GRIK1: variants seen among roughly 807,000 people sequenced by gnomAD.
GRIK1 encodes glutamate receptor ionotropic, kainate 1.
Under a neutral mutation model 105.7 loss-of-function variants are expected in GRIK1, and 69 were observed. The observed-to-expected ratio is 0.65, with a 90% CI of 0.54 to 0.80. GRIK1 has a LOEUF of 0.80. Among genes scored for constraint, GRIK1 ranks in the 30% least tolerant of loss-of-function variants. The pLI is 0.00. For synonymous variants in GRIK1, 438 were observed against 431.3 expected, an observed-to-expected ratio of 1.02 and a Z score of -0.19; for missense variants, 1,109 against 1,167.3, an observed-to-expected ratio of 0.95 and a Z score of 0.73.
intron 15 of GRIK1, among the ~76,000 whole-genome samples, chr21:29,556,569 C>T (rs1481612267): frequency 6.6e-6 from 1 of 152,148 alleles, no homozygotes; most frequent in African/African-American, 2.4e-5. Flanking sequence ...ATTTCTTCTT[C>T]TGAGGGGGAG....
chr21:29,936,890 C>T (rs911048123), intron 1 of GRIK1, among the ~76,000 whole-genome samples: 7 of 152,174 alleles, frequency 4.6e-5, no homozygotes, highest in Non-Finnish European at 8.8e-5. Context: ...GTACTAAGTG[C>T]CTAGCGATTT....
intron 1 of GRIK1, among the ~76,000 whole-genome samples, chr21:29,897,086 G>C (rs1384156713): frequency 1.3e-5 from 2 of 152,158 alleles, no homozygotes; most frequent in Non-Finnish European, 2.9e-5. Context: ...ATATAGTCCT[G>C]TGTGCATGTG....
At chr21:29,849,338 C>A (rs888263254) in intron 1 of GRIK1, among the ~76,000 whole-genome samples, 10 of 152,120 alleles carry the variant, frequency 6.6e-5, no homozygotes, top group African/African-American at 2.4e-4. Context: ...TAAGTTATTG[C>A]CAGGACATCA....
intron 1 of GRIK1, among the ~76,000 whole-genome samples, chr21:29,803,283 T>G (rs1208742046): frequency 2.0e-5 from 3 of 152,168 alleles, no homozygotes; most frequent in Non-Finnish European, 4.4e-5. Context: ...AGTAAGCAAA[T>G]GCCATAGTTA....
chr21:29,576,057 A>G (rs931784693), intron 14 of GRIK1, among the ~76,000 whole-genome samples: 1 of 152,052 alleles, frequency 6.6e-6, no homozygotes, highest in Non-Finnish European at 1.5e-5. Context: ...CCCAAAAAAA[A>G]CTTTAGCCCC....
intron 1 of GRIK1, among the ~76,000 whole-genome samples, chr21:29,786,209 G>C (rs558085081): frequency 5.3e-5 from 8 of 152,200 alleles, no homozygotes; most frequent in Non-Finnish European, 7.4e-5. Context: ...GGATGGTCTC[G>C]ATCTCTTGAC....
At chr21:29,825,349 A>T (rs1458619014) in intron 1 of GRIK1, among the ~76,000 whole-genome samples, 1 of 152,078 alleles carries the variant, frequency 6.6e-6, no homozygotes, top group East Asian at 1.9e-4. Flanking sequence ...GAAGTTAGTG[A>T]TGATGTAAAG....
intron 7 of GRIK1, among the ~76,000 whole-genome samples, chr21:29,637,781 G>A (rs1036850885): frequency 6.6e-6 from 1 of 152,138 alleles, no homozygotes; most frequent in African/African-American, 2.4e-5. Context: ...CAGCCCAAAC[G>A]AACCAAGAAA....
At chr21:29,872,026 A>T (rs1014811399) in intron 1 of GRIK1, among the ~76,000 whole-genome samples, 1 of 149,570 alleles carries the variant, frequency 6.7e-6, no homozygotes, top group African/African-American at 2.4e-5. Flanking sequence ...AGCCTCCCAA[A>T]GTGCTGGGAT....
chr21:29,543,525 C>A (rs1771332265), intron 16 of GRIK1, among the ~76,000 whole-genome samples: 1 of 152,162 alleles, frequency 6.6e-6, no homozygotes, highest in Non-Finnish European at 1.5e-5. Flanking sequence ...ATTTGGGCAG[C>A]ATTTCCTGTG....
intron 5 of GRIK1, 101 bp from the exon 6 acceptor site, chr21:29,651,392 C>T (rs549705841): frequency 1.4e-6 from 1 of 734,986 alleles, no homozygotes; most frequent in Non-Finnish European, 2.1e-6. Context: ...TACAATGATA[C>T]CTTTTATCTG....
intron 1 of GRIK1, among the ~76,000 whole-genome samples, chr21:29,818,877 C>T (rs2067225270): frequency 6.6e-6 from 1 of 151,992 alleles, no homozygotes; most frequent in African/African-American, 2.4e-5. Context: ...AGAAAACTGA[C>T]CTATGAATGT....
At chr21:29,896,744 A>G (rs1416555213) in intron 1 of GRIK1, among the ~76,000 whole-genome samples, 1 of 152,196 alleles carries the variant, frequency 6.6e-6, no homozygotes, top group Non-Finnish European at 1.5e-5. Flanking sequence ...GACCAATTCT[A>G]TGTAAAGATT....
intron 4 of GRIK1, among the ~76,000 whole-genome samples, chr21:29,656,137 C>A (rs1404300552): frequency 2.7e-5 from 4 of 150,700 alleles, no homozygotes; most frequent in Admixed American, 6.6e-5. Flanking sequence ...ATGAGGCGGG[C>A]GGATCATGAG....
chr21:29,912,751 G>A (rs2070862424), intron 1 of GRIK1, among the ~76,000 whole-genome samples: 2 of 152,106 alleles, frequency 1.3e-5, no homozygotes, highest in Admixed American at 6.5e-5. Context: ...TTGAGACCTG[G>A]TTGAAAACCA....
chr21:29,858,000 A>G (rs2068515418), intron 1 of GRIK1, among the ~76,000 whole-genome samples: 1 of 152,142 alleles, frequency 6.6e-6, no homozygotes, highest in Admixed American at 6.5e-5. Flanking sequence ...CCCAGGCTCA[A>G]GCAATTCTCT....
intron 7 of GRIK1, among the ~76,000 whole-genome samples, chr21:29,628,534 C>T (rs1314857621): frequency 3.9e-5 from 6 of 152,104 alleles, no homozygotes; most frequent in Non-Finnish European, 5.9e-5. Flanking sequence ...GTTTTTATTT[C>T]CTAAGGATTT....
At chr21:29,737,509 T>C (rs761093435) in intron 1 of GRIK1, among the ~76,000 whole-genome samples, 1 of 152,202 alleles carries the variant, frequency 6.6e-6, no homozygotes, top group Non-Finnish European at 1.5e-5. Context: ...GAAGGAGACG[T>C]GAAAGAGAAA....
chr21:29,780,404 T>G (rs888820805), intron 1 of GRIK1, among the ~76,000 whole-genome samples: 2 of 152,160 alleles, frequency 1.3e-5, no homozygotes, highest in African/African-American at 4.8e-5. Flanking sequence ...ATAGAAAAAT[T>G]CAGTGCATGA....
Sources: gnomAD v4.1 joint callset for allele counts (sites outside exome capture counted in the v4.1 genomes callset) on GRCh38, gnomAD v4.1.1 for gene constraint, MANE v1.5 for transcripts, NCBI Gene and HGNC (gene_info 2026-07-23, HGNC 2026-07-21) for gene names.